Variants in PATZ1 observed in about 807,000 individuals in gnomAD.
PATZ1 encodes the protein POZ-, AT hook-, and zinc finger-containing protein 1.
Under a neutral mutation model 46.2 loss-of-function variants are expected in PATZ1, and 9 were observed. That is an observed-to-expected ratio of 0.19 (90% confidence interval 0.12 to 0.34). The LOEUF is 0.34. Ranked by LOEUF, PATZ1 falls within the 10% of genes least tolerant of loss-of-function variation. The pLI, the probability that PATZ1 is intolerant of heterozygous loss-of-function variation, is 1.00. For missense variants in PATZ1, 632 were observed against 923.0 expected, an observed-to-expected ratio of 0.68 and a Z score of 4.08; for synonymous variants, 426 against 378.6, an observed-to-expected ratio of 1.13 and a Z score of -1.45.
At position 31,326,720 on chromosome 22, in the gene PATZ1, A is replaced by C; in HGVS notation, c.*171T>G. On this transcript the variant is annotated 3_prime_UTR_variant, in exon 5 of 5. Transcript: ENST00000266269. ...AATATCAGATGAAAATCTATTTCTA[A>C]AGACCATTGGGAGAATGGGTGGTGG... 1 of 600,832 alleles carries C rather than the reference A, an allele frequency of 1.7e-6. No homozygotes were observed. Among genetic ancestry groups the C allele is most frequent in the Non-Finnish European group, 2.9e-6 (1 of 343,510 alleles). The allele number at this position is 600,832 out of a possible 1,614,324, so 37.2% of individuals were successfully genotyped here.
chr22:31,329,930 G>C (rs767331354), intron 3 of PATZ1, among the ~76,000 whole-genome samples: 11 of 152,208 alleles, frequency 7.2e-5, no homozygotes, highest in Admixed American at 2.0e-4. Flanking sequence ...AAGCTTTTTA[G>C]TATAAGGCCC....
At chr22:31,330,170 T>C (rs1298508382) in intron 3 of PATZ1, among the ~76,000 whole-genome samples, 1 of 152,218 alleles carries the variant, frequency 6.6e-6, no homozygotes, top group African/African-American at 2.4e-5. Flanking sequence ...GCTGGAACTG[T>C]AATAAAGGTT....
At chr22:31,339,708 G>A (rs1295270861) in intron 2 of PATZ1, among the ~76,000 whole-genome samples, 1 of 152,226 alleles carries the variant, frequency 6.6e-6, no homozygotes, top group Non-Finnish European at 1.5e-5. Flanking sequence ...TAAGGGCCAT[G>A]CCTGCCAGGT....
chr22:31,338,892 C>CA (rs542801480), intron 2 of PATZ1, among the ~76,000 whole-genome samples: 12 of 152,146 alleles, frequency 7.9e-5, no homozygotes, highest in African/African-American at 2.9e-4. Context: ...ACTAAAAATA[C>CA]AAAAAAATTA....
chr22:31,337,007 G>C (rs1036960017), intron 2 of PATZ1, among the ~76,000 whole-genome samples: 1 of 151,728 alleles, frequency 6.6e-6, no homozygotes, highest in African/African-American at 2.4e-5. Context: ...CTACTCGGGA[G>C]GCTGAGGCGG....
chr22:31,344,971 T>G lies in PATZ1; in HGVS notation c.632A>C (p.Glu211Ala), dbSNP rs201570433. 44 of 1,613,796 alleles carry G rather than the reference T, an allele frequency of 2.7e-5. No homozygotes were observed. The highest frequency in any genetic ancestry group is 1.2e-4 in the African/African-American group (9 of 75,066). Residue 211 changes from glutamate to alanine, a missense_variant, in exon 1 of 5, where the codon GAG (glutamate) becomes GCG (alanine). Physicochemically the swap from Glu to Ala is moderately radical, Grantham distance 107. This residue lies in a region of PATZ1 where 279 missense variants were observed against 284.3 expected (regional missense o/e 0.98). Transcript: ENST00000266269. ...GIAGSMQPEE[E>A]AARAAGAAIA... is the part of the protein sequence containing the mutation. ...GGCTGCACCAGCCGCCCGAGCTGCCTCCTCCTCTGGCTGCATGCTGCCGGC... is the reference window on the plus strand; with the variant it reads ...GGCTGCACCAGCCGCCCGAGCTGCCGCCTCCTCTGGCTGCATGCTGCCGGC...
intron 3 of PATZ1, among the ~76,000 whole-genome samples, chr22:31,331,500 T>G (rs552246756): frequency 1.1e-4 from 16 of 152,100 alleles, no homozygotes; most frequent in African/African-American, 3.9e-4. Context: ...CCACCATACC[T>G]GGCTAATTTT....
Position 31,344,676 on chromosome 22 carries a change from C to T in PATZ1, c.927G>A (p.Gln309=), listed in dbSNP as rs757738554. 4 of 1,613,866 alleles carry T rather than the reference C, an allele frequency of 2.5e-6. No homozygotes were observed. Among genetic ancestry groups the T allele is most frequent in the African/African-American group, 1.3e-5 (1 of 74,956 alleles). The change falls in exon 1 of 5, where the codon CAG becomes CAA. Residue 309 remains glutamine, a synonymous_variant. Coordinates refer to ENST00000266269, the MANE Select transcript of PATZ1 (RefSeq NM_014323.3). ...KVFTDANRLR[Q]HEAQHGVTSL... Reference sequence around the variant, plus strand: ...TGGTGACACCGTGCTGGGCCTCGTGCTGCCGGAGCCGGTTGGCATCAGTGA... The same window carrying T: ...TGGTGACACCGTGCTGGGCCTCGTGTTGCCGGAGCCGGTTGGCATCAGTGA...
Position 31,344,790 on chromosome 22 carries a change from C to T in PATZ1, c.813G>A (p.Arg271=), listed in dbSNP as rs1324513612. ...ACATTGAGTCCAGCAGGTTGGCCTTCCTTGGGCGGCCCCGGCCTCGCTTGC... is the reference window on the plus strand; with the variant it reads ...ACATTGAGTCCAGCAGGTTGGCCTTTCTTGGGCGGCCCCGGCCTCGCTTGC... ...LTGKRGRGRP[R]KANLLDSMFG... Residue 271 remains arginine, a synonymous_variant, in exon 1 of 5, where the codon AGG becomes AGA. Transcript: ENST00000266269. The T allele has an allele frequency of 1.2e-6, 2 of 1,609,232 alleles. No individual in the cohort carries two copies. Among genetic ancestry groups the T allele is most frequent in the Admixed American group, 3.4e-5 (2 of 59,654 alleles).
intron 1 of PATZ1, 31 bp downstream of exon 1, chr22:31,344,301 G>A (rs1364215301): frequency 1.9e-6 from 3 of 1,551,548 alleles, no homozygotes; most frequent in African/African-American, 2.7e-5. Context: ...GATAACGTGT[G>A]GCAGGGGAGG....
At chr22:31,336,220 C>T (rs1372855364) in intron 2 of PATZ1, among the ~76,000 whole-genome samples, 1 of 152,178 alleles carries the variant, frequency 6.6e-6, no homozygotes, top group Non-Finnish European at 1.5e-5. Context: ...AGCTATAATG[C>T]ACAGAATTAC....
chr22:31,331,594 G>A (rs1393898795), intron 3 of PATZ1, among the ~76,000 whole-genome samples: 10 of 151,874 alleles, frequency 6.6e-5, no homozygotes, highest in South Asian at 2.1e-4. Context: ...CACCCGCCTC[G>A]GCCTCCCAAA....
intron 3 of PATZ1, among the ~76,000 whole-genome samples, chr22:31,333,026 C>A (rs916781437): frequency 6.6e-6 from 1 of 152,226 alleles, no homozygotes; most frequent in African/African-American, 2.4e-5. Flanking sequence ...TGCAAATGAT[C>A]TTCCTGTACA....
In PATZ1 at chr22:31,327,363, C is replaced by T. The variant is rs185061493; in HGVS notation, c.1646-54G>A. 8.9e-4 allele frequency: 1,326 copies of T among 1,481,780 alleles called. 4 individuals are homozygous for T. The highest frequency in any genetic ancestry group is 7.8e-4 in the Non-Finnish European group (840 of 1,083,826). The allele number at this position is 1,481,780 out of a possible 1,614,324, so 91.8% of individuals were successfully genotyped here. A position where few individuals can be genotyped will look rare whatever the true frequency, so the allele number is the denominator to read the frequency against. Reference sequence around the variant, plus strand: ...ATGAGGCCAGGCTCTGGAGATGCCCCCTCCTGGAGGGGTCATGAGGGGCCA... The same window carrying T: ...ATGAGGCCAGGCTCTGGAGATGCCCTCTCCTGGAGGGGTCATGAGGGGCCA... On this transcript the variant is annotated intron_variant, in intron 4 of 4. Coordinates refer to ENST00000266269, the MANE Select transcript of PATZ1 (RefSeq NM_014323.3). This position sits in a 1 kb window ranked among gnomAD's most constrained non-coding sequence, Gnocchi z 4.2.
At chr22:31,343,246 G>A (rs1021706011) in intron 1 of PATZ1, 5 of 1,172,420 alleles carry the variant, frequency 4.3e-6, no homozygotes, top group African/African-American at 1.6e-5. Flanking sequence ...GTGTTTTCTA[G>A]GACCAGAGGC....
At chr22:31,342,839 C>T (rs2049600074) in intron 2 of PATZ1, 58 bp downstream of exon 2, 8 of 1,588,942 alleles carry the variant, frequency 5.0e-6, no homozygotes, top group African/African-American at 1.3e-5. Flanking sequence ...CTCAAGGCTG[C>T]GACCGTGAGA....
chr22:31,326,889 C>T lies in PATZ1; in HGVS notation c.*2G>A, dbSNP rs1336189666. ...TGTTTCCGTGGGGACACAGCAGCTG[C>T]CTCATTTCCCTTCAGGCCCCATGGG... is the stretch of plus-strand genomic sequence containing the variant. On this transcript the variant is annotated 3_prime_UTR_variant, in exon 5 of 5. Transcript: ENST00000266269. The T allele has an allele frequency of 6.2e-7, 1 of 1,608,060 alleles. No individual in the cohort carries two copies. Among genetic ancestry groups the T allele is most frequent in the African/African-American group, 1.3e-5 (1 of 74,770 alleles).
At chr22:31,341,764 T>A in intron 2 of PATZ1, 1 of 1,267,120 alleles carries the variant, frequency 7.9e-7, no homozygotes. Context: ...CCTCCTACTC[T>A]GCCCGGGCTA....
At chr22:31,344,165 G>A (rs577624275) in intron 1 of PATZ1, among the ~76,000 whole-genome samples, 167 bp downstream of exon 1, 4 of 152,178 alleles carry the variant, frequency 2.6e-5, no homozygotes, top group Admixed American at 6.5e-5. Flanking sequence ...GCAGGTCTCA[G>A]GCATACCATC....
Sources: allele counts gnomAD v4.1 joint callset (sites outside exome capture counted in the v4.1 genomes callset), GRCh38; gene constraint gnomAD v4.1.1; regional missense constraint gnomAD v4.1.1; non-coding constraint Gnocchi (gnomAD v3.1); transcripts MANE v1.5; gene names NCBI Gene and HGNC (gene_info 2026-07-23, HGNC 2026-07-21).